MMS19: variants seen among roughly 807,000 people sequenced by gnomAD.
MMS19 encodes the protein MMS19 nucleotide excision repair protein homolog.
A neutral mutation model predicts 129.8 loss-of-function variants in MMS19; 77 were observed. The ratio of observed to expected loss-of-function variants is 0.59; its 90% CI spans 0.49 to 0.72. The LOEUF (loss-of-function observed/expected upper bound fraction) is 0.72. Among genes scored for constraint, MMS19 ranks in the 30% least tolerant of loss-of-function variants. The pLI is 0.00. For missense variants in MMS19, 1,168 were observed against 1,266.3 expected, an observed-to-expected ratio of 0.92 and a Z score of 1.18; for synonymous variants, 491 against 502.8, an observed-to-expected ratio of 0.98 and a Z score of 0.31.
At chr10:97,476,294 T>A (rs1651605370) in intron 8 of MMS19, among the ~76,000 whole-genome samples, 1 of 152,230 alleles carries the variant, frequency 6.6e-6, no homozygotes, top group South Asian at 2.1e-4. Flanking sequence ...TGAAATCCTA[T>A]CTTAACTGTG....
At chr10:97,462,245 A>G (rs756092793) in intron 20 of MMS19, 126 bp from the exon 21 acceptor site, 520 of 666,460 alleles carry the variant, frequency 7.8e-4, no homozygotes, top group Non-Finnish European at 1.0e-3. Flanking sequence ...TGCCCTGATC[A>G]TTCATGCATT....
intron 2 of MMS19, among the ~76,000 whole-genome samples, chr10:97,483,141 C>T (rs776486951): frequency 1.6e-4 from 25 of 152,082 alleles, no homozygotes; most frequent in Non-Finnish European, 3.1e-4. Context: ...CAACCTCCAC[C>T]TCCCAGACTC....
At chr10:97,492,607 G>A (rs1401117073) in intron 1 of MMS19, among the ~76,000 whole-genome samples, 4 of 151,876 alleles carry the variant, frequency 2.6e-5, no homozygotes, top group South Asian at 2.1e-4. Context: ...CTTGCACTTT[G>A]GGAGGCCGAG....
At chr10:97,478,244 A>G (rs878938035) in intron 4 of MMS19, 60 bp downstream of exon 4, 2 of 1,350,222 alleles carry the variant, frequency 1.5e-6, no homozygotes, top group South Asian at 1.3e-5. Flanking sequence ...AAGCGCAAGG[A>G]GAGAACTAGA....
rs187423344 is a variant in MMS19 at position 97,495,898 on chromosome 10, C to T, written c.112+2375G>A. Among the ~76,000 whole-genome samples the T allele has an allele frequency of 2.6e-4, 39 of 152,382 alleles. No homozygotes were observed. In the East Asian group the frequency reaches 5.8e-3, roughly 23 times the overall value. ...CCAGGCTCAAGCGATTCTCCAGCCT[C>T]AGCCTCCTGAGTAGCTGGGATTACA... is the stretch of plus-strand genomic sequence containing the variant. On this transcript the variant is annotated intron_variant, in intron 1 of 30. Coordinates refer to ENST00000438925, the MANE Select transcript of MMS19 (RefSeq NM_022362.5).
In MMS19 at chr10:97,498,408, G is replaced by C; in HGVS notation, c.-24C>G. 1 of 1,576,276 alleles carries C rather than the reference G, an allele frequency of 6.3e-7. No individual in the cohort carries two copies. The highest frequency in any genetic ancestry group is 8.6e-7 in the Non-Finnish European group (1 of 1,169,454). ...ATAACGCGAACTAGAGACCGTGGGA[G>C]GGGATATGGGCGGTGGCTCGAGACG... On this transcript the variant is annotated 5_prime_UTR_variant, in exon 1 of 31. Coordinates refer to ENST00000438925, the MANE Select transcript of MMS19 (RefSeq NM_022362.5).
chr10:97,467,522 C>T lies in MMS19; in HGVS notation c.1280G>A (p.Trp427Ter). 1 of 1,613,882 alleles carries T rather than the reference C, an allele frequency of 6.2e-7. No individual in the cohort carries two copies. The highest frequency in any genetic ancestry group is 1.1e-5 in the South Asian group (1 of 91,076). The change falls in exon 14 of 31, where the codon TGG becomes TAG. Residue 427 changes from tryptophan (W) to a stop codon, truncating the protein, a stop_gained. Transcript: ENST00000438925. LOFTEE classifies it high-confidence loss of function. ...AACCTCACCTTTGTCTTCATAGCTC[C>T]ATTTCTGCTGCAGCTTCAAGAAACC... ...LLGFLKLQQK[W>*]SYEDKDQRPL...
At chr10:97,478,416 T>C (rs758375655) in intron 3 of MMS19, 27 bp from the exon 4 acceptor site, 3 of 1,558,968 alleles carry the variant, frequency 1.9e-6, no homozygotes, top group South Asian at 2.3e-5. Flanking sequence ...CAGCCATTAG[T>C]TGACATAGGC....
rs2035886244 is a variant in MMS19 at position 97,476,945 on chromosome 10, G to C, written c.512C>G (p.Ala171Gly). 6.2e-7 allele frequency: 1 copy of C among 1,613,748 alleles called. No homozygotes were observed. Among genetic ancestry groups the C allele is most frequent in the Admixed American group, 1.7e-5 (1 of 59,986 alleles). ...TREEELKSLGADFTFGFIQVM... is the reference protein window; with the variant it reads ...TREEELKSLGGDFTFGFIQVM... ...CTGGATGAAGCCAAAGGTGAAGTCA[G>C]CTCCTAGGCTCTTTAGCTCTGGGAA... is the stretch of plus-strand genomic sequence containing the variant. The change falls in exon 7 of 31, where the codon GCT (alanine) becomes GGT (glycine). Residue 171 changes from alanine (A) to glycine (G), a missense_variant. By Grantham distance (60) the Ala-to-Gly change is moderately conservative. This residue lies in a region of MMS19 where 329 missense variants were observed against 328.6 expected (regional missense o/e 1.00). Coordinates refer to ENST00000438925, the MANE Select transcript of MMS19 (RefSeq NM_022362.5).
Position 97,462,037 on chromosome 10 carries a change from T to C in MMS19, c.2095A>G (p.Ser699Gly). ...GTTACCTGGAATGGCTGGAATCTGC[T>C]CGGGAAGCTGTTTTCAGGCAGAAAG... ...VSFLPENSFP[S>G]RFQPFQDGSS... The change falls in exon 21 of 31, where the codon AGC (serine) becomes GGC (glycine). Residue 699 changes from serine to glycine, a missense_variant. Coordinates refer to ENST00000438925, the MANE Select transcript of MMS19 (RefSeq NM_022362.5). The C allele has an allele frequency of 6.3e-7, 1 of 1,592,200 alleles. No individual in the cohort carries two copies. Among genetic ancestry groups the C allele is most frequent in the Non-Finnish European group, 8.6e-7 (1 of 1,169,310 alleles).
rs745386989 is a variant in MMS19 at position 97,459,200 on chromosome 10, G to A, written c.2964+23C>T. The A allele has an allele frequency of 4.5e-5, 72 of 1,604,300 alleles. No homozygotes were observed. In the East Asian group the frequency reaches 1.2e-3, roughly 27 times the overall value. ...GTCTCTTGAGATGTTCCCAGGCCAG[G>A]GAAGGACACCTGAGGTACTTACCAC... On this transcript the variant is annotated intron_variant, in intron 29 of 30. Coordinates refer to ENST00000438925, the MANE Select transcript of MMS19 (RefSeq NM_022362.5).
intron 8 of MMS19, among the ~76,000 whole-genome samples, chr10:97,471,985 G>A (rs555919891): frequency 6.6e-6 from 1 of 152,302 alleles, no homozygotes; most frequent in African/African-American, 2.4e-5. Flanking sequence ...GAGAGAGGAA[G>A]AAATCATCAA....
intron 5 of MMS19, 88 bp from the exon 6 acceptor site, chr10:97,477,504 G>GTA: frequency 6.5e-7 from 1 of 1,549,554 alleles, no homozygotes. Context: ...ATCTCTAAGT[G>GTA]AACAGTGCTC....
chr10:97,497,486 T>C (rs1439197577), intron 1 of MMS19, among the ~76,000 whole-genome samples: 1 of 151,932 alleles, frequency 6.6e-6, no homozygotes, highest in Non-Finnish European at 1.5e-5. Context: ...AAACCCAAGA[T>C]CTGAAGGCCT....
At chr10:97,495,245 C>T (rs545275081) in intron 1 of MMS19, among the ~76,000 whole-genome samples, 2 of 152,264 alleles carry the variant, frequency 1.3e-5, no homozygotes, top group South Asian at 4.2e-4. Flanking sequence ...AAGGCTGGGG[C>T]CAGGTAGTGG....
intron 23 of MMS19, 84 bp from the exon 24 acceptor site, chr10:97,461,091 C>A: frequency 1.8e-6 from 2 of 1,125,692 alleles, no homozygotes; most frequent in South Asian, 3.0e-5. Flanking sequence ...AAGTGCAGAG[C>A]TCCCTGAGAA....
chr10:97,481,861 G>A (rs750581325), intron 2 of MMS19, among the ~76,000 whole-genome samples: 3 of 152,188 alleles, frequency 2.0e-5, no homozygotes, highest in Non-Finnish European at 4.4e-5. Flanking sequence ...CCTGTAGAAA[G>A]GTTTCTACTC....
intron 8 of MMS19, among the ~76,000 whole-genome samples, chr10:97,473,900 T>TG (rs1159614377): frequency 6.6e-6 from 1 of 151,820 alleles, no homozygotes; most frequent in Non-Finnish European, 1.5e-5. Flanking sequence ...CCCAACACTT[T>TG]GGGAAGTCGA....
chr10:97,466,481 A>G (rs776472008), intron 16 of MMS19, 23 bp downstream of exon 16: 1 of 1,570,956 alleles, frequency 6.4e-7, no homozygotes, highest in Non-Finnish European at 8.8e-7. Flanking sequence ...AGCTTGCTCT[A>G]TCTCATTGCT....
Sources: gnomAD v4.1 joint callset for allele counts (sites outside exome capture counted in the v4.1 genomes callset) on GRCh38, gnomAD v4.1.1 for gene constraint, gnomAD v4.1.1 regional missense constraint, MANE v1.5 for transcripts, NCBI Gene and HGNC (gene_info 2026-07-23, HGNC 2026-07-21) for gene names.